The following COL15A1 variants were observed in gnomAD, a reference collection of about 807,000 sequenced individuals.
COL15A1 encodes collagen alpha-1(XV) chain.
Under a neutral mutation model 165.9 loss-of-function variants are expected in COL15A1, and 111 were observed. That is an observed-to-expected ratio of 0.67 (90% CI 0.57 to 0.78). COL15A1 has a LOEUF of 0.78. COL15A1 is among the 30% of genes least tolerant of loss of function. The pLI is 0.00. For synonymous variants in COL15A1, 659 were observed against 674.8 expected (o/e 0.98, Z 0.36); for missense variants, 1,745 against 1,789.7 (o/e 0.98, Z 0.45).
rs79593467 is a variant in COL15A1 at position 99,042,959 on chromosome 9, T to C, written c.2574+852T>C. ...CCGTGTGGTGTGCCAGGCAGTTTCC[T>C]GTGCTAGGCGTAGGGATATAGAAAT... On this transcript the variant is annotated intron_variant, in intron 24 of 41. Transcript: ENST00000375001. 7.4e-3 allele frequency among the ~76,000 whole-genome samples: 1,123 copies of C among 152,318 alleles called. 11 individuals are homozygous for C. The highest frequency in any genetic ancestry group is 0.026 in the African/African-American group (1,077 of 41,562).
chr9:98,971,526 C>A (rs1036509429), intron 2 of COL15A1, among the ~76,000 whole-genome samples: 1 of 152,056 alleles, frequency 6.6e-6, no homozygotes, highest in East Asian at 1.9e-4. Flanking sequence ...CACGCCTGCC[C>A]GCACCTGCTG....
chr9:99,009,171 G>A (rs184204142), intron 9 of COL15A1, among the ~76,000 whole-genome samples: 11 of 149,700 alleles, frequency 7.3e-5, no homozygotes, highest in South Asian at 2.2e-4. Flanking sequence ...GTCCTATGCC[G>A]ATTATAAAAC....
intron 3 of COL15A1, 78 bp from the exon 4 acceptor site, chr9:98,987,216 C>A (rs2075664): frequency 0.41 from 588,635 of 1,425,740 alleles, 126,575 homozygotes; most frequent in East Asian, 0.64. Context: ...TCTCCATTGC[C>A]AAAACAATCA....
intron 5 of COL15A1, among the ~76,000 whole-genome samples, chr9:98,992,920 T>C (rs751578650): frequency 3.9e-5 from 6 of 152,126 alleles, no homozygotes; most frequent in Non-Finnish European, 8.8e-5. Context: ...CCAGACTATC[T>C]GGAAAAGTGA....
chr9:99,064,298 A>C (rs1392170761), intron 39 of COL15A1, among the ~76,000 whole-genome samples: 1 of 152,154 alleles, frequency 6.6e-6, no homozygotes, highest in Non-Finnish European at 1.5e-5. Flanking sequence ...CAGCCCAATC[A>C]AGAGTTACCA....
chr9:98,954,744 A>G (rs1209164869), intron 2 of COL15A1, among the ~76,000 whole-genome samples: 2 of 152,208 alleles, frequency 1.3e-5, no homozygotes, highest in Non-Finnish European at 2.9e-5. Flanking sequence ...ACAGGCAATA[A>G]TAATTTATAC....
chr9:98,950,425 C>A (rs1837660677), intron 2 of COL15A1, among the ~76,000 whole-genome samples: 1 of 151,902 alleles, frequency 6.6e-6, no homozygotes, highest in African/African-American at 2.4e-5. Flanking sequence ...GCAATTCTTT[C>A]TTTCTTTCTT....
rs752376118 is a variant in COL15A1 at position 99,015,426 on chromosome 9, A to G, written c.1363A>G (p.Ser455Gly). 1.2e-6 allele frequency: 2 copies of G among 1,607,912 alleles called. No individual in the cohort carries two copies. Among genetic ancestry groups the G allele is most frequent in the South Asian group, 2.2e-5 (2 of 90,930 alleles). ...GCCAATTTCATTTCAGGGTCCAAGC[A>G]GTGAAGACAGTTTAACAACAGCTGC... ...LGEEATVGPS[S>G]EDSLTTAAAA... is the part of the protein sequence containing the mutation. Residue 455 changes from serine (S) to glycine (G), a missense_variant, in exon 10 of 42, where the codon AGT (serine) becomes GGT (glycine). Ser to Gly is a moderately conservative substitution (Grantham distance 56). Coordinates refer to ENST00000375001, the MANE Select transcript of COL15A1 (RefSeq NM_001855.5).
intron 10 of COL15A1, 25 bp from the exon 11 acceptor site, chr9:99,015,950 TG>T: frequency 6.2e-7 from 1 of 1,609,294 alleles, no homozygotes; most frequent in South Asian, 1.1e-5. Flanking sequence ...GGTGAGGTGG[TG>T]CCTTAATGCT....
In COL15A1 at chr9:99,027,133, T is replaced by C. The variant is rs190948900; in HGVS notation, c.2043+1167T>C. Among the ~76,000 whole-genome samples, 30 of 152,178 alleles carry C rather than the reference T, an allele frequency of 2.0e-4. No homozygotes were observed. In the East Asian group the frequency reaches 5.4e-3, roughly 27 times the overall value. ...TGCCTCTGCAGTGTTCCCAGCTTGA[T>C]GAGATAAGCCATGTCTGTCAAAGGA... On this transcript the variant is annotated intron_variant, in intron 16 of 41. Coordinates refer to ENST00000375001, the MANE Select transcript of COL15A1 (RefSeq NM_001855.5).
At chr9:98,948,748 A>G (rs1464354473) in intron 2 of COL15A1, among the ~76,000 whole-genome samples, 1 of 152,198 alleles carries the variant, frequency 6.6e-6, no homozygotes, top group Non-Finnish European at 1.5e-5. Flanking sequence ...CCAATATTTT[A>G]GAAGATAAGG....
chr9:98,960,543 G>A (rs893909027), intron 2 of COL15A1, among the ~76,000 whole-genome samples: 5 of 152,234 alleles, frequency 3.3e-5, no homozygotes, highest in Non-Finnish European at 5.9e-5. Context: ...CCCAGGTGAT[G>A]TGTGTGGCAC....
intron 2 of COL15A1, among the ~76,000 whole-genome samples, chr9:98,957,881 A>G (rs2118784888): frequency 6.6e-6 from 1 of 152,240 alleles, no homozygotes; most frequent in East Asian, 1.9e-4. Flanking sequence ...TTTTTAAGAA[A>G]TGGGGTTTCA....
At chr9:99,027,388 C>T (rs983556576) in intron 16 of COL15A1, among the ~76,000 whole-genome samples, 23 of 152,296 alleles carry the variant, frequency 1.5e-4, no homozygotes, top group African/African-American at 5.5e-4. Flanking sequence ...GGAACCATAA[C>T]TCAATTTTCG....
chr9:98,960,651 T>A (rs908659280), intron 2 of COL15A1, among the ~76,000 whole-genome samples: 11 of 152,222 alleles, frequency 7.2e-5, no homozygotes, highest in African/African-American at 2.7e-4. Flanking sequence ...CATGTATCAG[T>A]TGGTGACCTT....
intron 5 of COL15A1, among the ~76,000 whole-genome samples, chr9:98,991,923 A>G (rs1838441524): frequency 6.6e-6 from 1 of 152,188 alleles, no homozygotes; most frequent in Admixed American, 6.5e-5. Context: ...GATTAGCTAG[A>G]CACAGAGCAC....
Position 99,052,467 on chromosome 9 carries a change from G to A in COL15A1, c.2950+34G>A, listed in dbSNP as rs759315729. 5.9e-6 allele frequency: 9 copies of A among 1,527,516 alleles called. No individual in the cohort carries two copies. The East Asian group carries it at 2.0e-4, about 34-fold the overall frequency. The allele number at this position is 1,527,516 out of a possible 1,614,324, so 94.6% of individuals were successfully genotyped here. A position where few individuals can be genotyped will look rare whatever the true frequency, so the allele number is the denominator to read the frequency against. The stretch of plus-strand genomic sequence containing the variant: ...TCCCTTCTTCATCATTTGTTTCTCT[G>A]GGACATCTCCTTGAGGAAGATGGTT... On this transcript the variant is annotated intron_variant, in intron 31 of 41. Transcript: ENST00000375001.
intron 40 of COL15A1, 82 bp from the exon 41 acceptor site, chr9:99,068,467 CAAAAAA>C (rs34451429): frequency 5.7e-4 from 155 of 271,274 alleles, no homozygotes; most frequent in Middle Eastern, 9.7e-4. Context: ...GAAACTGTGT[CAAAAAA>C]AAAAAAAAAA....
chr9:98,986,136 T>G (rs1258465028), intron 3 of COL15A1, 24 bp downstream of exon 3: 1 of 1,585,732 alleles, frequency 6.3e-7, no homozygotes, highest in African/African-American at 1.3e-5. Flanking sequence ...CCACTCCAGG[T>G]AGATCAGGGA....
Sources: allele counts gnomAD v4.1 joint callset (sites outside exome capture counted in the v4.1 genomes callset), GRCh38; gene constraint gnomAD v4.1.1; transcripts MANE v1.5; gene names NCBI Gene and HGNC (gene_info 2026-07-23, HGNC 2026-07-21).